Variants in HOXA7 observed in about 807,000 individuals in gnomAD.
The protein encoded by HOXA7 is homeobox A7, also known as homeobox protein Hox-A7.
HOXA7 carries 16 observed loss-of-function variants against 16.8 expected under a neutral mutation model. The observed-to-expected ratio is 0.95, with a 90% CI of 0.64 to 1.44. The LOEUF is 1.44. Ranked by LOEUF, HOXA7 falls within the 40% of genes most tolerant of loss-of-function variation. The pLI, the probability that HOXA7 is intolerant of heterozygous loss-of-function variation, is 0.00. For synonymous variants in HOXA7, 169 were observed against 144.3 expected (o/e 1.17, Z -1.23); for missense variants, 379 against 328.6 (o/e 1.15, Z -1.19).
intron 1 of HOXA7, 118 bp downstream of exon 1, chr7:27,156,049 C>T (rs1179054726): frequency 2.4e-6 from 3 of 1,235,788 alleles, no homozygotes; most frequent in Non-Finnish European, 3.1e-6. Flanking sequence ...GCTACCGGCT[C>T]GCAACAGCCT....
rs752752010 is a variant in HOXA7, at chr7:27,156,461, A to C, written c.85T>G (p.Cys29Gly). ...CTCTGTGAGTTGGGAGCAAAGGAGCAAGAAGTCGGCTCGGCATTTTGGAAC... is the reference window on the plus strand; with the variant it reads ...CTCTGTGAGTTGGGAGCAAAGGAGCCAGAAGTCGGCTCGGCATTTTGGAAC... ...SLFQNAEPTS[C>G]SFAPNSQRSG... The change falls in exon 1 of 2, where the codon TGC becomes GGC. Residue 29 changes from cysteine (C) to glycine (G), a missense_variant. Physicochemically the swap from Cys to Gly is radical, Grantham distance 159 (BLOSUM62 -3). Coordinates refer to ENST00000242159, the MANE Select transcript of HOXA7 (RefSeq NM_006896.4). 3.7e-6 allele frequency: 6 copies of C among 1,613,212 alleles called. No individual in the cohort carries two copies. The South Asian group carries it at 4.4e-5, about 12-fold the overall frequency.
intron 1 of HOXA7, 160 bp downstream of exon 1, chr7:27,156,007 A>T: frequency 4.6e-6 from 4 of 862,130 alleles, no homozygotes; most frequent in Non-Finnish European, 6.4e-6. Flanking sequence ...CGCTCCAATT[A>T]AAACCAGAAA....
chr7:27,155,435 G>A (rs909731037), intron 1 of HOXA7: 1 of 583,594 alleles, frequency 1.7e-6, no homozygotes, highest in Non-Finnish European at 3.0e-6. Flanking sequence ...GCTCTGTAAT[G>A]AGCAAAGGCA....
rs904265926 is a variant in HOXA7, at chr7:27,155,397, C to T, written c.380-175G>A. On this transcript the variant is annotated intron_variant, in intron 1 of 1. Transcript: ENST00000242159. ...AGGAGGGGGAGTGTTAGGGAAAGACCCCAACTGCAGTGCCAGACGCGCAGG... is the reference window on the plus strand; with the variant it reads ...AGGAGGGGGAGTGTTAGGGAAAGACTCCAACTGCAGTGCCAGACGCGCAGG... 1.3e-5 allele frequency: 8 copies of T among 632,798 alleles called. No homozygotes were observed. In the African/African-American group the frequency reaches 1.3e-4, roughly 10 times the overall value. 39.2% of individuals were successfully genotyped at this position (632,798 alleles called of 1,614,324 possible). A position where few individuals can be genotyped will look rare whatever the true frequency, so the allele number is the denominator to read the frequency against.
intron 1 of HOXA7, 69 bp from the exon 2 acceptor site, chr7:27,155,291 GTCC>G: frequency 7.0e-7 from 1 of 1,433,970 alleles, no homozygotes; most frequent in South Asian, 1.2e-5. Context: ...TTAGGCTGCT[GTCC>G]CAGAGCCCGC....
chr7:27,154,927 CTCT>C lies in HOXA7; in HGVS notation c.672_674del (p.Glu226del), dbSNP rs756749192. ...CGGCCCCTCATTCCTCCTCGTCTTC[CTCT>C]TCTTCATCATCGTCCTCCTCGTCGG... On this transcript the variant is annotated inframe_deletion, in exon 2 of 2. Coordinates refer to ENST00000242159, the MANE Select transcript of HOXA7 (RefSeq NM_006896.4). 17 of 1,610,512 alleles carry C rather than the reference CTCT, an allele frequency of 1.1e-5. No individual in the cohort carries two copies. The Admixed American group carries it at 1.3e-4, about 13-fold the overall frequency.
chr7:27,156,498 C>T lies in HOXA7; in HGVS notation c.48G>A (p.Ala16=), dbSNP rs773924212. The change falls in exon 1 of 2, where the codon GCG becomes GCA. Residue 16 remains alanine (A), a synonymous_variant. Coordinates refer to ENST00000242159, the MANE Select transcript of HOXA7 (RefSeq NM_006896.4). ...CGGCATTTTGGAACAGAGAAGCCCC[C>T]GCCGTATATTTGCTAAAAAGCGCGT... ...YVNALFSKYT[A]GASLFQNAEP... is the part of the protein sequence containing the mutation. 11 of 1,590,040 alleles carry T rather than the reference C, an allele frequency of 6.9e-6. No individual in the cohort carries two copies. The Admixed American group carries it at 1.8e-4, about 25-fold the overall frequency.
rs1783069797 is a variant in HOXA7 at position 27,154,648 on chromosome 7, G to T, written c.*261C>A. ...GAGCAGGGCCGGCTGGCCTGGGGTT[G>T]GGGGTGTCTTTTGGGGTCCTCGGAG... On this transcript the variant is annotated 3_prime_UTR_variant, in exon 2 of 2. Transcript: ENST00000242159. 24 of 533,128 alleles carry T rather than the reference G, an allele frequency of 4.5e-5. No individual in the cohort carries two copies. In the South Asian group the frequency reaches 6.2e-4, roughly 14 times the overall value. 33.0% of individuals were successfully genotyped at this position (533,128 alleles called of 1,614,324 possible). A position where few individuals can be genotyped will look rare whatever the true frequency, so the allele number is the denominator to read the frequency against.
intron 1 of HOXA7, chr7:27,155,653 C>T (rs934330087): frequency 1.5e-5 from 3 of 195,454 alleles, no homozygotes; most frequent in African/African-American, 7.0e-5. Context: ...ATCCCCAGGA[C>T]CTTCCTAGGG....
intron 1 of HOXA7, chr7:27,155,455 A>C: frequency 3.6e-6 from 2 of 548,896 alleles, no homozygotes; most frequent in Non-Finnish European, 3.2e-6. Context: ...ACAGAATCTC[A>C]ACTTTACAAC....
chr7:27,154,616 C>T lies in HOXA7; in HGVS notation c.*293G>A, dbSNP rs947290705. ...GGCCTGTGCTAGGTAGTATTTTGGA[C>T]GCGCCAGAGCAGGGCCGGCTGGCCT... On this transcript the variant is annotated 3_prime_UTR_variant, in exon 2 of 2. Coordinates refer to ENST00000242159, the MANE Select transcript of HOXA7 (RefSeq NM_006896.4). 13 of 432,562 alleles carry T rather than the reference C, an allele frequency of 3.0e-5. No individual in the cohort carries two copies. The East Asian group carries it at 4.0e-4, about 13-fold the overall frequency. 26.8% of individuals were successfully genotyped at this position (432,562 alleles called of 1,614,324 possible).
In HOXA7 at chr7:27,156,079, C is replaced by T. The variant is rs1462858633; in HGVS notation, c.379+88G>A. ...CAGCCTGGCTCCGCTCTTCCGGCCCCGCGCCCCGCGCTCCGCGCTCCCCAG... is the reference window on the plus strand; with the variant it reads ...CAGCCTGGCTCCGCTCTTCCGGCCCTGCGCCCCGCGCTCCGCGCTCCCCAG... On this transcript the variant is annotated intron_variant, in intron 1 of 1. Coordinates refer to ENST00000242159, the MANE Select transcript of HOXA7 (RefSeq NM_006896.4). The T allele has an allele frequency of 2.9e-6, 4 of 1,364,970 alleles. No individual in the cohort carries two copies. The African/African-American group carries it at 6.1e-5, about 21-fold the overall frequency. The allele number at this position is 1,364,970 out of a possible 1,614,324, so 84.6% of individuals were successfully genotyped here. A position where few individuals can be genotyped will look rare whatever the true frequency, so the allele number is the denominator to read the frequency against.
Position 27,154,931 on chromosome 7 carries a change from T to G in HOXA7, c.671A>C (p.Glu224Ala). The G allele has an allele frequency of 6.2e-7, 1 of 1,611,020 alleles. No homozygotes were observed. Residue 224 changes from glutamate (E) to alanine (A), a missense_variant, in exon 2 of 2, where the codon GAA (glutamate) becomes GCA (alanine). Glu to Ala is a moderately radical substitution (Grantham distance 107). Transcript: ENST00000242159. ...DKADEEDDDE[E>A]EEDEEE ...CCCTCATTCCTCCTCGTCTTCCTCT[T>G]CTTCATCATCGTCCTCCTCGTCGGC... is the stretch of plus-strand genomic sequence containing the variant.
In HOXA7 at chr7:27,155,165, T is replaced by A; in HGVS notation, c.437A>T (p.Glu146Val). Reference protein sequence around the residue: ...TYTRYQTLELEKEFHFNRYLT... With the variant: ...TYTRYQTLELVKEFHFNRYLT... ...GTAGCGGTTGAAGTGGAACTCCTTC[T>A]CCAGCTCCAGCGTCTGGTAGCGCGT... The change falls in exon 2 of 2, where the codon GAG becomes GTG. Residue 146 changes from glutamate to valine, a missense_variant. By Grantham distance (121) the Glu-to-Val change is moderately radical. Transcript: ENST00000242159. 2 of 1,614,238 alleles carry A rather than the reference T, an allele frequency of 1.2e-6. No homozygotes were observed. The highest frequency in any genetic ancestry group is 1.7e-6 in the Non-Finnish European group (2 of 1,180,046).
intron 1 of HOXA7, 37 bp from the exon 2 acceptor site, chr7:27,155,259 A>T: frequency 6.3e-7 from 1 of 1,585,168 alleles, no homozygotes; most frequent in Non-Finnish European, 8.7e-7. Context: ...ACACAAGGAC[A>T]GACAAGTAGA....
At position 27,155,128 on chromosome 7, in the gene HOXA7, G is replaced by T; in HGVS notation, c.474C>A (p.Arg158=). The part of the protein sequence containing the change: ...EFHFNRYLTR[R]RRIEIAHALC... Reference sequence around the variant, plus strand: ...GCGCGTGGGCGATTTCAATGCGGCGGCGCCGCGTCAGGTAGCGGTTGAAGT... The same window carrying T: ...GCGCGTGGGCGATTTCAATGCGGCGTCGCCGCGTCAGGTAGCGGTTGAAGT... Residue 158 remains arginine, a synonymous_variant, in exon 2 of 2, where the codon CGC becomes CGA. Transcript: ENST00000242159. 3 of 1,614,272 alleles carry T rather than the reference G, an allele frequency of 1.9e-6. No homozygotes were observed. Among genetic ancestry groups the T allele is most frequent in the Non-Finnish European group, 2.5e-6 (3 of 1,180,050 alleles).
Position 27,156,410 on chromosome 7 carries a change from C to A in HOXA7, c.136G>T (p.Ala46Ser). 2 of 1,613,614 alleles carry A rather than the reference C, an allele frequency of 1.2e-6. No homozygotes were observed. Among genetic ancestry groups the A allele is most frequent in the Non-Finnish European group, 1.7e-6 (2 of 1,179,740 alleles). Residue 46 changes from alanine to serine, a missense_variant, in exon 1 of 2, where the codon GCC becomes TCC. By Grantham distance (99) the Ala-to-Ser change is moderately conservative. Coordinates refer to ENST00000242159, the MANE Select transcript of HOXA7 (RefSeq NM_006896.4). ...QRSGYGAGAGAFASTVPGLYN... is the reference protein window; with the variant it reads ...QRSGYGAGAGSFASTVPGLYN... ...AAGCCCGGAACGGTCGAGGCGAAGGCGCCGGCGCCCGCCCCGTAGCCGCTT... is the reference window on the plus strand; with the variant it reads ...AAGCCCGGAACGGTCGAGGCGAAGGAGCCGGCGCCCGCCCCGTAGCCGCTT...
Position 27,156,345 on chromosome 7 carries a change from C to T in HOXA7, c.201G>A (p.Ala67=), listed in dbSNP as rs749356959. The change falls in exon 1 of 2, where the codon GCG becomes GCA. Residue 67 remains alanine (A), a synonymous_variant. Transcript: ENST00000242159. Reference sequence around the variant, plus strand: ...CGTCGGCGCCCAGGCCGTAGCCGGACGCAAAGGGGCTCTGATAAAGGGGGC... The same window carrying T: ...CGTCGGCGCCCAGGCCGTAGCCGGATGCAAAGGGGCTCTGATAAAGGGGGC... ...VNSPLYQSPF[A]SGYGLGADAY... is the part of the protein sequence containing the mutation. 1.2e-6 allele frequency: 2 copies of T among 1,614,048 alleles called. No individual in the cohort carries two copies. Among genetic ancestry groups the T allele is most frequent in the Non-Finnish European group, 1.7e-6 (2 of 1,180,012 alleles).
chr7:27,155,189 G>A lies in HOXA7; in HGVS notation c.413C>T (p.Thr138Met), dbSNP rs1331097182. The change falls in exon 2 of 2, where the codon ACG becomes ATG. Residue 138 changes from threonine (T) to methionine (M), a missense_variant. Physicochemically the swap from Thr to Met is moderately conservative, Grantham distance 81. Coordinates refer to ENST00000242159, the MANE Select transcript of HOXA7 (RefSeq NM_006896.4). ...CTCCAGCTCCAGCGTCTGGTAGCGC[G>A]TGTAGGTCTGGCGGCCCCGCTTCCT... Reference protein sequence around the residue: ...PDRKRGRQTYTRYQTLELEKE... With the variant: ...PDRKRGRQTYMRYQTLELEKE... 3.1e-6 allele frequency: 5 copies of A among 1,614,254 alleles called. No individual in the cohort carries two copies. The highest frequency in any genetic ancestry group is 2.2e-5 in the East Asian group (1 of 44,888).
Sources: gnomAD v4.1 joint callset for allele counts on GRCh38, gnomAD v4.1.1 for gene constraint, MANE v1.5 for transcripts, NCBI Gene and HGNC (gene_info 2026-07-23, HGNC 2026-07-21) for gene names.